Variants in PLEKHM3 observed in about 807,000 individuals in gnomAD.
The protein encoded by PLEKHM3 is pleckstrin homology domain-containing family M member 3.
Under a neutral mutation model 81.8 loss-of-function variants are expected in PLEKHM3, and 45 were observed. That is an observed-to-expected ratio of 0.55 (90% CI 0.43 to 0.71). The LOEUF (loss-of-function observed/expected upper bound fraction) is 0.71, where lower values mean the gene tolerates loss of function less well. PLEKHM3 is among the 30% of genes least tolerant of loss of function. The pLI is 0.00. For missense variants in PLEKHM3, 788 were observed against 924.3 expected (o/e 0.85, Z 1.91); for synonymous variants, 352 against 356.4 (o/e 0.99, Z 0.14).
intron 3 of PLEKHM3, among the ~76,000 whole-genome samples, chr2:207,966,923 G>C (rs1690935106): frequency 6.6e-6 from 1 of 152,142 alleles, no homozygotes; most frequent in Non-Finnish European, 1.5e-5. Flanking sequence ...CCAGGGCAGA[G>C]TGCAGCAAGA....
At chr2:207,921,409 T>C (rs1689179330) in intron 5 of PLEKHM3, among the ~76,000 whole-genome samples, 2 of 152,182 alleles carry the variant, frequency 1.3e-5, no homozygotes, top group African/African-American at 4.8e-5. Flanking sequence ...TATGTATTGA[T>C]AGAGTACAAT....
At chr2:207,904,555 G>C (rs1286603752) in intron 6 of PLEKHM3, among the ~76,000 whole-genome samples, 1 of 152,192 alleles carries the variant, frequency 6.6e-6, no homozygotes, top group Non-Finnish European at 1.5e-5. Context: ...CAGACAATTA[G>C]GGACTCAGTC....
chr2:207,861,354 C>T lies in PLEKHM3; in HGVS notation c.1951-92G>A, dbSNP rs940847072. ...AGGAAAGGAATTCCTTTCCTTTACA[C>T]AACAGGAAAACCTCTAATTATAATT... On this transcript the variant is annotated intron_variant, in intron 6 of 7. Transcript: ENST00000427836. The T allele has an allele frequency of 3.1e-6, 4 of 1,292,448 alleles. No homozygotes were observed. In the African/African-American group the frequency reaches 4.5e-5, roughly 15 times the overall value. 80.1% of individuals were successfully genotyped at this position (1,292,448 alleles called of 1,614,324 possible).
intron 5 of PLEKHM3, among the ~76,000 whole-genome samples, chr2:207,914,622 C>A (rs1688923635): frequency 6.7e-6 from 1 of 149,202 alleles, no homozygotes; most frequent in South Asian, 2.1e-4. Context: ...GTTGAGGCTG[C>A]AGTGAGCCAT....
intron 7 of PLEKHM3, among the ~76,000 whole-genome samples, chr2:207,859,539 T>G (rs1033778724): frequency 4.7e-4 from 71 of 152,182 alleles, no homozygotes; most frequent in African/African-American, 1.6e-3. Context: ...TGTTTCTACT[T>G]TTTAGCTATT....
chr2:207,902,945 G>A (rs888953708), intron 6 of PLEKHM3, among the ~76,000 whole-genome samples: 12 of 151,612 alleles, frequency 7.9e-5, no homozygotes, highest in Non-Finnish European at 1.0e-4. Context: ...TAAAACAAAC[G>A]GTTTAGGCAG....
At chr2:207,968,389 G>A (rs542252718) in intron 3 of PLEKHM3, among the ~76,000 whole-genome samples, 66 of 152,172 alleles carry the variant, frequency 4.3e-4, no homozygotes, top group Non-Finnish European at 7.2e-4. Context: ...TGGGGTTGGG[G>A]GTGGGGGGCC....
At chr2:207,875,395 T>C (rs2092555285) in intron 6 of PLEKHM3, among the ~76,000 whole-genome samples, 1 of 152,240 alleles carries the variant, frequency 6.6e-6, no homozygotes. Flanking sequence ...AAAATATTGT[T>C]AATATAGAAA....
intron 1 of PLEKHM3, among the ~76,000 whole-genome samples, chr2:208,016,479 C>G (rs183219429): frequency 1.5e-4 from 23 of 151,642 alleles, no homozygotes; most frequent in Non-Finnish European, 7.4e-5. Context: ...GAAACCCTGT[C>G]TCTACCCAAA....
chr2:207,952,220 G>A (rs1474130985), intron 3 of PLEKHM3, among the ~76,000 whole-genome samples: 2 of 152,182 alleles, frequency 1.3e-5, no homozygotes, highest in East Asian at 3.8e-4. Context: ...AATATCTGGC[G>A]AGTTTCACAT....
In PLEKHM3 at chr2:207,922,583, C is replaced by T. The variant is rs185992758; in HGVS notation, c.1886+8343G>A. ...ATCCCAGCACTTTGGGAGGCCGAGG[C>T]GGGCGGATCACGAGGTCAGGAGATC... On this transcript the variant is annotated intron_variant, in intron 5 of 7. Transcript: ENST00000427836. 2.3e-3 allele frequency among the ~76,000 whole-genome samples: 347 copies of T among 152,082 alleles called. 2 individuals carry two copies. The highest frequency in any genetic ancestry group is 7.4e-3 in the African/African-American group (309 of 41,506).
At chr2:207,978,574 T>C (rs1412220072) in intron 2 of PLEKHM3, among the ~76,000 whole-genome samples, 1 of 152,140 alleles carries the variant, frequency 6.6e-6, no homozygotes, top group Non-Finnish European at 1.5e-5. Flanking sequence ...GGCCAGTTCA[T>C]GGGCCTTCTG....
chr2:207,894,990 G>A (rs2105878234), intron 6 of PLEKHM3, among the ~76,000 whole-genome samples: 1 of 152,104 alleles, frequency 6.6e-6, no homozygotes, highest in East Asian at 1.9e-4. Context: ...TTTAGGACAG[G>A]GTCTGGCCTA....
chr2:207,977,932 A>T (rs1691376565), intron 2 of PLEKHM3, among the ~76,000 whole-genome samples: 3 of 152,228 alleles, frequency 2.0e-5, no homozygotes, highest in South Asian at 2.1e-4. Flanking sequence ...ATAAAAAATT[A>T]AAAAATTAGC....
At chr2:207,841,480 A>AAATATATATATATAT (rs2092353214) in intron 7 of PLEKHM3, among the ~76,000 whole-genome samples, 4 of 37,430 alleles carry the variant, frequency 1.1e-4, no homozygotes, top group Admixed American at 8.4e-4. Flanking sequence ...AAAAAAAAAA[A>AAATATATATATATAT]ATATATATAT....
chr2:208,021,529 GATTTT>G (rs1317396496), intron 1 of PLEKHM3, among the ~76,000 whole-genome samples: 1 of 151,772 alleles, frequency 6.6e-6, no homozygotes, highest in Non-Finnish European at 1.5e-5. Context: ...ATTATTTATG[GATTTT>G]ATTATCTCCA....
At chr2:207,960,382 A>G (rs1342508272) in intron 3 of PLEKHM3, among the ~76,000 whole-genome samples, 1 of 152,208 alleles carries the variant, frequency 6.6e-6, no homozygotes, top group Non-Finnish European at 1.5e-5. Flanking sequence ...ATAAGAGGAC[A>G]TCACAGCCTT....
chr2:208,012,118 T>C (rs1259288939), intron 1 of PLEKHM3, among the ~76,000 whole-genome samples: 1 of 152,000 alleles, frequency 6.6e-6, no homozygotes, highest in African/African-American at 2.4e-5. Flanking sequence ...CTCAGCTCAC[T>C]GCAAACTCTG....
chr2:207,965,901 T>C (rs1218804887), intron 3 of PLEKHM3, among the ~76,000 whole-genome samples: 2 of 152,246 alleles, frequency 1.3e-5, no homozygotes, highest in East Asian at 3.8e-4. Context: ...TTAAATAAAG[T>C]TTAAATGAAG....
Sources: allele counts gnomAD v4.1 joint callset (sites outside exome capture counted in the v4.1 genomes callset), GRCh38; gene constraint gnomAD v4.1.1; transcripts MANE v1.5; gene names NCBI Gene and HGNC (gene_info 2026-07-23, HGNC 2026-07-21).